The following BID variants were observed in gnomAD, a reference collection of about 807,000 sequenced individuals.
The protein encoded by BID is BH3 interacting domain death agonist.
A neutral mutation model predicts 17.4 loss-of-function variants in BID; 19 were observed. The observed-to-expected ratio is 1.09, with a 90% CI of 0.76 to 1.60. The LOEUF (loss-of-function observed/expected upper bound fraction) is 1.60, where lower values mean the gene tolerates loss of function less well. Among genes scored for constraint, BID ranks in the 40% most tolerant of loss-of-function variants. The pLI, the probability that BID is intolerant of heterozygous loss-of-function variation, is 0.00. For synonymous variants in BID, 108 were observed against 102.8 expected (o/e 1.05, Z -0.31); for missense variants, 226 against 256.0 (o/e 0.88, Z 0.80).
chr22:17,774,513 C>A (rs1404182125), upstream of BID: 1 of 160,426 alleles, frequency 6.2e-6, no homozygotes. Context: ...CACGCCCGGG[C>A]CCGCCCCGGC....
At chr22:17,740,055 G>C in intron 3 of BID, 1 of 1,605,346 alleles carries the variant, frequency 6.2e-7, no homozygotes, top group Non-Finnish European at 8.5e-7. Context: ...CTGGCGCACA[G>C]CCTCCGTGCT....
chr22:17,760,451 CAAAAAAAAAAAAA>C (rs55817445), intron 1 of BID, among the ~76,000 whole-genome samples: 2 of 30,764 alleles, frequency 6.5e-5, no homozygotes, highest in African/African-American at 1.6e-4. Context: ...GACTCTGTCT[CAAAAAAAAAAAAA>C]AAAAAAAAAA....
At chr22:17,749,549 T>C (rs1376188750) in intron 2 of BID, among the ~76,000 whole-genome samples, 1 of 152,256 alleles carries the variant, frequency 6.6e-6, no homozygotes, top group Non-Finnish European at 1.5e-5. Flanking sequence ...GTACTTTTAT[T>C]TGACCTTTAT....
chr22:17,741,468 G>A (rs1569039242), intron 3 of BID, among the ~76,000 whole-genome samples: 1 of 151,308 alleles, frequency 6.6e-6, no homozygotes, highest in East Asian at 1.9e-4. Context: ...ACTCACTGTA[G>A]CTTTTTTTTT....
At chr22:17,754,647 G>A (rs1395541069) in intron 1 of BID, among the ~76,000 whole-genome samples, 1 of 152,256 alleles carries the variant, frequency 6.6e-6, no homozygotes, top group Non-Finnish European at 1.5e-5. Context: ...ATTTTTAAGG[G>A]CCAGATATCT....
intron 4 of BID, among the ~76,000 whole-genome samples, chr22:17,738,625 A>G (rs1254895718): frequency 6.6e-6 from 1 of 152,144 alleles, no homozygotes; most frequent in Non-Finnish European, 1.5e-5. Flanking sequence ...TAGACAGACT[A>G]CAAGGCTGGC....
At chr22:17,750,815 G>A (rs948598061) in intron 1 of BID, among the ~76,000 whole-genome samples, 6 of 151,102 alleles carry the variant, frequency 4.0e-5, no homozygotes, top group Non-Finnish European at 7.4e-5. Flanking sequence ...GCGACAGAGC[G>A]AGACTCCATC....
intron 1 of BID, among the ~76,000 whole-genome samples, chr22:17,752,210 C>T (rs1336333358): frequency 3.9e-5 from 6 of 152,334 alleles, no homozygotes; most frequent in Admixed American, 1.3e-4. Flanking sequence ...CAGACCCTAA[C>T]GCCGTGTCTC....
chr22:17,759,258 A>AC (rs59238323), intron 1 of BID, among the ~76,000 whole-genome samples: 2 of 148,184 alleles, frequency 1.3e-5, no homozygotes, highest in African/African-American at 2.5e-5. Flanking sequence ...AAAAAAAAAA[A>AC]ACAAAAGAAC....
At chr22:17,741,665 A>T (rs1319751778) in intron 3 of BID, among the ~76,000 whole-genome samples, 1 of 151,680 alleles carries the variant, frequency 6.6e-6, no homozygotes, top group Non-Finnish European at 1.5e-5. Flanking sequence ...TTTAGTAGAG[A>T]CGGGGTTTCA....
intron 1 of BID, among the ~76,000 whole-genome samples, chr22:17,767,681 T>G (rs2061688762): frequency 6.6e-6 from 1 of 152,088 alleles, no homozygotes; most frequent in African/African-American, 2.4e-5. Context: ...GCTCAATCAC[T>G]GATGCCACCA....
intron 5 of BID, among the ~76,000 whole-genome samples, chr22:17,736,967 C>T (rs12171264): frequency 6.6e-6 from 1 of 151,946 alleles, no homozygotes; most frequent in Admixed American, 6.6e-5. Context: ...CCACACCCAG[C>T]TAATTTTTTT....
At chr22:17,749,273 A>G (rs2061519118) in intron 2 of BID, among the ~76,000 whole-genome samples, 1 of 152,188 alleles carries the variant, frequency 6.6e-6, no homozygotes, top group Non-Finnish European at 1.5e-5. Context: ...AAAGGGAAGG[A>G]GAGACAAGGA....
At chr22:17,760,215 G>A (rs577427208) in intron 1 of BID, among the ~76,000 whole-genome samples, 1 of 150,900 alleles carries the variant, frequency 6.6e-6, no homozygotes, top group Non-Finnish European at 1.5e-5. Flanking sequence ...GGAGGCTGAT[G>A]AGGGCAGATC....
intron 1 of BID, among the ~76,000 whole-genome samples, chr22:17,771,784 A>ATGGG (rs1469541631): frequency 0.035 from 5,284 of 152,220 alleles, 290 homozygotes; most frequent in African/African-American, 0.12. Context: ...GGCTGTAGGA[A>ATGGG]CCTGCCAGCA....
chr22:17,755,373 T>C (rs2061574764), intron 1 of BID, among the ~76,000 whole-genome samples: 1 of 152,060 alleles, frequency 6.6e-6, no homozygotes, highest in Non-Finnish European at 1.5e-5. Context: ...ATGGCCTAGA[T>C]TGGTGACCCA....
intron 1 of BID, among the ~76,000 whole-genome samples, chr22:17,753,005 C>T (rs528908803): frequency 9.6e-5 from 11 of 114,118 alleles, no homozygotes; most frequent in Middle Eastern, 7.4e-3. Context: ...CTCGCTCTGT[C>T]ACCCAGGCTG....
intron 3 of BID, among the ~76,000 whole-genome samples, chr22:17,743,498 G>A (rs1464611093): frequency 2.6e-5 from 4 of 152,198 alleles, no homozygotes; most frequent in Non-Finnish European, 5.9e-5. Flanking sequence ...TTGGAAAATT[G>A]GATAAAAACA....
chr22:17,752,136 C>T (rs1415170423), intron 1 of BID, among the ~76,000 whole-genome samples: 2 of 152,242 alleles, frequency 1.3e-5, no homozygotes, highest in African/African-American at 4.8e-5. Flanking sequence ...TTCCTTCACA[C>T]TCAGATACAC....
Sources: gnomAD v4.1 joint callset for allele counts (sites outside exome capture counted in the v4.1 genomes callset) on GRCh38, gnomAD v4.1.1 for gene constraint, MANE v1.5 for transcripts, NCBI Gene and HGNC (gene_info 2026-07-23, HGNC 2026-07-21) for gene names.